The following PTH2 variants were observed in gnomAD, a reference collection of about 807,000 sequenced individuals.
PTH2 encodes parathyroid hormone 2, also known as tuberoinfundibular 39 residue protein.
In PTH2, 5 loss-of-function variants were observed where a neutral mutation model predicts 6.2. The observed-to-expected ratio is 0.80, with a 90% CI of 0.42 to 1.69. The LOEUF (loss-of-function observed/expected upper bound fraction) is 1.69, where lower values mean the gene tolerates loss of function less well. Among genes scored for constraint, PTH2 ranks in the 40% most tolerant of loss-of-function variants. The probability of loss-of-function intolerance (pLI) is 0.02; values close to 1 mark genes in which losing one functional copy is unlikely to be tolerated. For synonymous variants in PTH2, 67 were observed against 73.6 expected (o/e 0.91, Z 0.46); for missense variants, 156 against 142.5 (o/e 1.09, Z -0.48).
At chr19:49,422,938 A>T (rs1975033135) in intron 1 of PTH2, among the ~76,000 whole-genome samples, 1 of 148,954 alleles carries the variant, frequency 6.7e-6, no homozygotes, top group Non-Finnish European at 1.5e-5. Context: ...TTCTGCAACG[A>T]CTCCTTTCGA....
At position 49,423,417 on chromosome 19, in the gene PTH2, C is replaced by T; in HGVS notation, c.-78G>A. 2 of 1,505,328 alleles carry T rather than the reference C, an allele frequency of 1.3e-6. No homozygotes were observed. The highest frequency in any genetic ancestry group is 1.8e-6 in the Non-Finnish European group (2 of 1,126,632). 93.2% of individuals were successfully genotyped at this position (1,505,328 alleles called of 1,614,324 possible). On this transcript the variant is annotated 5_prime_UTR_variant, in exon 1 of 2. Transcript: ENST00000270631. The stretch of plus-strand genomic sequence containing the variant: ...CCCCGGGCCCCACCATGCATCCACC[C>T]CCAGCTTCCCGCACAGTCCCCTACC...
chr19:49,423,410 A>T lies in PTH2; in HGVS notation c.-71T>A. On this transcript the variant is annotated 5_prime_UTR_variant, in exon 1 of 2. An upstream start codon of the reference 5' UTR is lost. Coordinates refer to ENST00000270631, the MANE Select transcript of PTH2 (RefSeq NM_178449.4). ...CCCAGAACCCCGGGCCCCACCATGC[A>T]TCCACCCCCAGCTTCCCGCACAGTC... 1.3e-6 allele frequency: 2 copies of T among 1,513,774 alleles called. No homozygotes were observed. Among genetic ancestry groups the T allele is most frequent in the Non-Finnish European group, 1.8e-6 (2 of 1,131,598 alleles). 93.8% of individuals were successfully genotyped at this position (1,513,774 alleles called of 1,614,324 possible). A position where few individuals can be genotyped will look rare whatever the true frequency, so the allele number is the denominator to read the frequency against.
chr19:49,423,142 T>C, intron 1 of PTH2, 70 bp downstream of exon 1: 1 of 1,555,904 alleles, frequency 6.4e-7, no homozygotes, highest in Non-Finnish European at 8.7e-7. Context: ...TCCGTCCCCT[T>C]TCTCTTTGGT....
rs1218988895 is a variant in PTH2 at position 49,423,199 on chromosome 19, G to T, written c.128+13C>A. ...TCCCACCCCTCCCTGGGAGTTCTGG[G>T]ACTGGCACCTACCTGAGGACCCCGA... On this transcript the variant is annotated intron_variant, in intron 1 of 1. Coordinates refer to ENST00000270631, the MANE Select transcript of PTH2 (RefSeq NM_178449.4). 1 of 1,612,178 alleles carries T rather than the reference G, an allele frequency of 6.2e-7. No individual in the cohort carries two copies. Among genetic ancestry groups the T allele is most frequent in the Non-Finnish European group, 8.5e-7 (1 of 1,178,822 alleles).
intron 1 of PTH2, among the ~76,000 whole-genome samples, 172 bp downstream of exon 1, chr19:49,423,040 C>T (rs1600974230): frequency 6.6e-6 from 1 of 152,170 alleles, no homozygotes; most frequent in African/African-American, 2.4e-5. Flanking sequence ...TACCACCAAA[C>T]CCTCCTCCCG....
chr19:49,422,744 T>A, intron 1 of PTH2, 102 bp from the exon 2 acceptor site: 1 of 1,123,472 alleles, frequency 8.9e-7, no homozygotes, highest in South Asian at 1.9e-5. Context: ...GTCCGTGGAG[T>A]GGCTCGGTCC....
chr19:49,423,287 A>T lies in PTH2; in HGVS notation c.53T>A (p.Leu18Gln), dbSNP rs1600974537. ...RSPRVRLLLLLLLLLVVPWGV... is the reference protein window; with the variant it reads ...RSPRVRLLLLQLLLLVVPWGV... ...CCAGGGCACCACCAGCAGCAGCAGC[A>T]GCAGCAGCAGCAGCCGAACCCGAGG... is the stretch of plus-strand genomic sequence containing the variant. Residue 18 changes from leucine to glutamine, a missense_variant, in exon 1 of 2, where the codon CTG becomes CAG. Transcript: ENST00000270631. The T allele has an allele frequency of 6.2e-7, 1 of 1,610,074 alleles. No homozygotes were observed. Among genetic ancestry groups the T allele is most frequent in the East Asian group, 2.2e-5 (1 of 44,820 alleles).
rs988098530 is a variant in PTH2, at chr19:49,422,654, C to T, written c.129-12G>A. On this transcript the variant is annotated splice_polypyrimidine_tract_variant and intron_variant, in intron 1 of 1. Coordinates refer to ENST00000270631, the MANE Select transcript of PTH2 (RefSeq NM_178449.4). ...CTGGGGGGCGGAGGCTGTGGAGAGA[C>T]GCGGTGACCGCGCGTCCAGACTCGC... is the stretch of plus-strand genomic sequence containing the variant. 7.2e-7 allele frequency: 1 copy of T among 1,396,406 alleles called. No individual in the cohort carries two copies. The highest frequency in any genetic ancestry group is 9.3e-7 in the Non-Finnish European group (1 of 1,078,594). The allele number at this position is 1,396,406 out of a possible 1,614,324, so 86.5% of individuals were successfully genotyped here.
At position 49,422,678 on chromosome 19, in the gene PTH2, G is replaced by T. The variant is rs1056906374; in HGVS notation, c.129-36C>A. ...ACGCGGTGACCGCGCGTCCAGACTC[G>T]CTCTTGCCGCCGCCTGTCCTCCCCG... On this transcript the variant is annotated intron_variant, in intron 1 of 1. Coordinates refer to ENST00000270631, the MANE Select transcript of PTH2 (RefSeq NM_178449.4). The T allele has an allele frequency of 1.2e-5, 16 of 1,383,744 alleles. No homozygotes were observed. The Admixed American group carries it at 4.6e-4, about 39-fold the overall frequency. The allele number at this position is 1,383,744 out of a possible 1,614,324, so 85.7% of individuals were successfully genotyped here. A position where few individuals can be genotyped will look rare whatever the true frequency, so the allele number is the denominator to read the frequency against.
In PTH2 at chr19:49,422,536, C is replaced by T. The variant is rs1975027163; in HGVS notation, c.235G>A (p.Ala79Thr). The T allele has an allele frequency of 1.3e-6, 2 of 1,596,218 alleles. No individual in the cohort carries two copies. Among genetic ancestry groups the T allele is most frequent in the Non-Finnish European group, 1.7e-6 (2 of 1,173,490 alleles). ...AAFRERARLL[A>T]ALERRHWLNS... is the part of the protein sequence containing the mutation. ...AGCCAGTGGCGGCGCTCGAGGGCGG[C>T]CAGCAACCGCGCGCGCTCCCGGAAG... Residue 79 changes from alanine to threonine, a missense_variant, in exon 2 of 2, where the codon GCC (alanine) becomes ACC (threonine). Coordinates refer to ENST00000270631, the MANE Select transcript of PTH2 (RefSeq NM_178449.4).
chr19:49,423,110 T>C, intron 1 of PTH2, 102 bp downstream of exon 1: 1 of 1,469,516 alleles, frequency 6.8e-7, no homozygotes, highest in Non-Finnish European at 9.2e-7. Flanking sequence ...CTCTTTGGGC[T>C]TCTGTTCCGC....
Position 49,422,569 on chromosome 19 carries a change from C to T in PTH2, c.202G>A (p.Asp68Asn), listed in dbSNP as rs1271073692. 3 of 1,587,050 alleles carry T rather than the reference C, an allele frequency of 1.9e-6. No homozygotes were observed. The highest frequency in any genetic ancestry group is 2.8e-5 in the African/African-American group (2 of 71,422). ...RPRRSLALAD[D>N]AAFRERARLL... is the part of the protein sequence containing the mutation. ...CGCGCGCGCTCCCGGAAGGCCGCGT[C>T]GTCCGCCAGCGCCAGGCTCCTCCGC... The change falls in exon 2 of 2, where the codon GAC (aspartate) becomes AAC (asparagine). Residue 68 changes from aspartate to asparagine, a missense_variant. Transcript: ENST00000270631.
chr19:49,423,123 T>C (rs1268027952), intron 1 of PTH2, 89 bp downstream of exon 1: 3 of 1,514,974 alleles, frequency 2.0e-6, no homozygotes, highest in Non-Finnish European at 2.7e-6. Context: ...TGTTCCGCTT[T>C]CTGGATCTTC....
At position 49,423,278 on chromosome 19, in the gene PTH2, A is replaced by T; in HGVS notation, c.62T>A (p.Leu21Gln). 1 of 1,599,970 alleles carries T rather than the reference A, an allele frequency of 6.3e-7. No homozygotes were observed. Among genetic ancestry groups the T allele is most frequent in the Non-Finnish European group, 8.5e-7 (1 of 1,173,848 alleles). The change falls in exon 1 of 2, where the codon CTG becomes CAG. Residue 21 changes from leucine (L) to glutamine (Q), a missense_variant. Transcript: ENST00000270631. Reference sequence around the variant, plus strand: ...GCGGACGCCCCAGGGCACCACCAGCAGCAGCAGCAGCAGCAGCAGCAGCCG... The same window carrying T: ...GCGGACGCCCCAGGGCACCACCAGCTGCAGCAGCAGCAGCAGCAGCAGCCG... ...RVRLLLLLLL[L>Q]LVVPWGVRTA... is the part of the protein sequence containing the mutation.
chr19:49,423,143 T>G (rs1975035325), intron 1 of PTH2, 69 bp downstream of exon 1: 49 of 1,557,698 alleles, frequency 3.1e-5, no homozygotes, highest in Non-Finnish European at 4.3e-5. Flanking sequence ...CCGTCCCCTT[T>G]CTCTTTGGTT....
chr19:49,423,133 C>A, intron 1 of PTH2, 79 bp downstream of exon 1: 1 of 1,536,954 alleles, frequency 6.5e-7, no homozygotes, highest in African/African-American at 1.4e-5. Flanking sequence ...TCTGGATCTT[C>A]CGTCCCCTTT....
chr19:49,423,437 C>G lies in PTH2; in HGVS notation c.-98G>C. 1 of 1,439,774 alleles carries G rather than the reference C, an allele frequency of 6.9e-7. No homozygotes were observed. The highest frequency in any genetic ancestry group is 9.2e-7 in the Non-Finnish European group (1 of 1,081,676). 89.2% of individuals were successfully genotyped at this position (1,439,774 alleles called of 1,614,324 possible). On this transcript the variant is annotated 5_prime_UTR_variant, in exon 1 of 2. Coordinates refer to ENST00000270631, the MANE Select transcript of PTH2 (RefSeq NM_178449.4). Reference sequence around the variant, plus strand: ...CCACCCCCAGCTTCCCGCACAGTCCCCTACCGTGCAGTGGGCTGGGGCAGC... The same window carrying G: ...CCACCCCCAGCTTCCCGCACAGTCCGCTACCGTGCAGTGGGCTGGGGCAGC...
rs781351134 is a variant in PTH2, at chr19:49,422,560, A to G, written c.211T>C (p.Phe71Leu). ...GCCAGCAACCGCGCGCGCTCCCGGAAGGCCGCGTCGTCCGCCAGCGCCAGG... is the reference window on the plus strand; with the variant it reads ...GCCAGCAACCGCGCGCGCTCCCGGAGGGCCGCGTCGTCCGCCAGCGCCAGG... ...RSLALADDAAFRERARLLAAL... is the reference protein window; with the variant it reads ...RSLALADDAALRERARLLAAL... The change falls in exon 2 of 2, where the codon TTC becomes CTC. Residue 71 changes from phenylalanine to leucine, a missense_variant. Coordinates refer to ENST00000270631, the MANE Select transcript of PTH2 (RefSeq NM_178449.4). 3.9e-5 allele frequency: 62 copies of G among 1,591,956 alleles called. No homozygotes were observed. The highest frequency in any genetic ancestry group is 4.7e-5 in the Non-Finnish European group (55 of 1,171,808).
chr19:49,423,296 A>G lies in PTH2; in HGVS notation c.44T>C (p.Leu15Pro), dbSNP rs1453679216. Residue 15 changes from leucine to proline, a missense_variant, in exon 1 of 2, where the codon CTG becomes CCG. Transcript: ENST00000270631. ...CACCAGCAGCAGCAGCAGCAGCAGC[A>G]GCAGCCGAACCCGAGGGCTCCTGGA... ...QVSRSPRVRLLLLLLLLLVVP... is the reference protein window; with the variant it reads ...QVSRSPRVRLPLLLLLLLVVP... 1.9e-6 allele frequency: 3 copies of G among 1,609,962 alleles called. No homozygotes were observed. Among genetic ancestry groups the G allele is most frequent in the Admixed American group, 3.4e-5 (2 of 59,610 alleles).
Sources: gnomAD v4.1 joint callset for allele counts (sites outside exome capture counted in the v4.1 genomes callset) on GRCh38, gnomAD v4.1.1 for gene constraint, MANE v1.5 for transcripts, NCBI Gene and HGNC (gene_info 2026-07-23, HGNC 2026-07-21) for gene names.